The following ATP8A2 variants were observed in gnomAD, a reference collection of about 807,000 sequenced individuals.
The protein encoded by ATP8A2 is phospholipid-transporting ATPase IB.
A neutral mutation model predicts 165.6 loss-of-function variants in ATP8A2; 100 were observed. That is an observed-to-expected ratio of 0.60 (90% confidence interval 0.51 to 0.71). The LOEUF (loss-of-function observed/expected upper bound fraction) is 0.71, where lower values mean the gene tolerates loss of function less well. Among genes scored for constraint, ATP8A2 ranks in the 30% least tolerant of loss-of-function variants. The pLI is 0.00. For missense variants in ATP8A2, 1,227 were observed against 1,479.5 expected (o/e 0.83, Z 2.80); for synonymous variants, 543 against 548.8 (o/e 0.99, Z 0.15).
intron 2 of ATP8A2, among the ~76,000 whole-genome samples, chr13:25,506,307 A>G (rs2037034689): frequency 6.6e-6 from 1 of 152,084 alleles, no homozygotes. Flanking sequence ...TTTTTTTGTC[A>G]TGCCTCAGAC....
intron 30 of ATP8A2, among the ~76,000 whole-genome samples, chr13:25,854,660 G>A (rs1049982978): frequency 6.6e-6 from 1 of 152,102 alleles, no homozygotes; most frequent in African/African-American, 2.4e-5. Context: ...AGTGGCTTCT[G>A]TCCAAGCCAC....
At chr13:25,956,582 C>A (rs1365128746) in intron 33 of ATP8A2, among the ~76,000 whole-genome samples, 1 of 152,118 alleles carries the variant, frequency 6.6e-6, no homozygotes, top group Non-Finnish European at 1.5e-5. Context: ...AGGACCTCTT[C>A]AAGAAGAACT....
chr13:25,577,232 T>A, intron 20 of ATP8A2, 94 bp downstream of exon 20: 1 of 1,096,018 alleles, frequency 9.1e-7, no homozygotes, highest in East Asian at 2.4e-5. Flanking sequence ...ATTCCCTGAT[T>A]GTTTGTCCAG....
chr13:25,548,723 A>G (rs1254822720), intron 10 of ATP8A2, among the ~76,000 whole-genome samples: 1 of 152,238 alleles, frequency 6.6e-6, no homozygotes, highest in Non-Finnish European at 1.5e-5. Context: ...AGGATGAATA[A>G]TTTAGACAAA....
chr13:25,909,096 G>A (rs1195572965), intron 33 of ATP8A2, among the ~76,000 whole-genome samples: 1 of 152,116 alleles, frequency 6.6e-6, no homozygotes, highest in African/African-American at 2.4e-5. Flanking sequence ...CTGATATCAG[G>A]AGGAGGAGGG....
At chr13:25,967,892 G>A (rs994870064) in intron 34 of ATP8A2, among the ~76,000 whole-genome samples, 1 of 152,172 alleles carries the variant, frequency 6.6e-6, no homozygotes, top group Non-Finnish European at 1.5e-5. Flanking sequence ...TACCATTCAA[G>A]AAGAGTGAGC....
At chr13:25,921,226 G>A (rs761179751) in intron 33 of ATP8A2, among the ~76,000 whole-genome samples, 5 of 152,120 alleles carry the variant, frequency 3.3e-5, no homozygotes, top group Non-Finnish European at 7.4e-5. Flanking sequence ...TAACAGTGAG[G>A]CTAAAAGACT....
At chr13:26,001,179 C>T (rs560710688) in intron 35 of ATP8A2, among the ~76,000 whole-genome samples, 1 of 152,356 alleles carries the variant, frequency 6.6e-6, no homozygotes, top group African/African-American at 2.4e-5. Context: ...ATAATATTTT[C>T]AGTCTTTATC....
chr13:25,469,029 G>A lies in ATP8A2; in HGVS notation c.129G>A (p.Arg43=), dbSNP rs992751398. The change falls in exon 2 of 37, where the codon CGG becomes CGA. Residue 43 remains arginine (R), a synonymous_variant. Coordinates refer to ENST00000381655, the MANE Select transcript of ATP8A2 (RefSeq NM_016529.6). ...GYKKAEDEMS[R]ATSVGDQLEA... is the part of the protein sequence containing the mutation. Reference sequence around the variant, plus strand: ...AGAAGGCAGAGGATGAGATGTCCCGGGCCACGTCTGTTGGAGACCAGCTGG... The same window carrying A: ...AGAAGGCAGAGGATGAGATGTCCCGAGCCACGTCTGTTGGAGACCAGCTGG... 20 of 1,613,942 alleles carry A rather than the reference G, an allele frequency of 1.2e-5. No homozygotes were observed. The highest frequency in any genetic ancestry group is 1.6e-5 in the Non-Finnish European group (19 of 1,179,920).
At chr13:25,741,124 A>G (rs894429427) in intron 25 of ATP8A2, among the ~76,000 whole-genome samples, 13 of 152,364 alleles carry the variant, frequency 8.5e-5, no homozygotes, top group African/African-American at 3.1e-4. Flanking sequence ...ATTTAGTTTT[A>G]TCGGAAAAAT....
intron 25 of ATP8A2, among the ~76,000 whole-genome samples, chr13:25,731,304 GA>G (rs1226090708): frequency 8.4e-4 from 90 of 106,784 alleles, no homozygotes; most frequent in South Asian, 2.6e-3. Context: ...GAGAAAGAAA[GA>G]AAAGACCGGA....
chr13:25,940,820 GGCT>G (rs1955048903), intron 33 of ATP8A2, among the ~76,000 whole-genome samples: 1 of 152,218 alleles, frequency 6.6e-6, no homozygotes, highest in African/African-American at 2.4e-5. Context: ...GTTGGATGCT[GGCT>G]CTGCCACGAT....
rs1289568695 is a variant in ATP8A2 at position 25,774,730 on chromosome 13, C to G, written c.2569-119C>G. On this transcript the variant is annotated intron_variant, in intron 26 of 36. Transcript: ENST00000381655. ...TTCAGAGAATGGTTTTCTGAGATTCCTGCGGAATCTGGTTTCCTCTACCTA... is the reference window on the plus strand; with the variant it reads ...TTCAGAGAATGGTTTTCTGAGATTCGTGCGGAATCTGGTTTCCTCTACCTA... 5.1e-6 allele frequency: 3 copies of G among 582,630 alleles called. No homozygotes were observed. In the East Asian group the frequency reaches 8.8e-5, roughly 17 times the overall value. The allele number at this position is 582,630 out of a possible 1,614,324, so 36.1% of individuals were successfully genotyped here. A position where few individuals can be genotyped will look rare whatever the true frequency, so the allele number is the denominator to read the frequency against.
chr13:25,961,635 T>C lies in ATP8A2; in HGVS notation c.3244T>C (p.Cys1082Arg), dbSNP rs780551691. The C allele has an allele frequency of 1.9e-6, 3 of 1,613,990 alleles. No homozygotes were observed. Among genetic ancestry groups the C allele is most frequent in the Non-Finnish European group, 2.5e-6 (3 of 1,179,864 alleles). ...WLGLFLVPTA[C>R]LIEDVAWRAA... ...GGGATTATTTCTGGTTCCTACTGCC[T>C]GTTTGATTGAAGATGTGGCATGGAG... Residue 1082 changes from cysteine to arginine, a missense_variant, in exon 34 of 37, where the codon TGT becomes CGT. Physicochemically the swap from Cys to Arg is radical, Grantham distance 180. Transcript: ENST00000381655.
chr13:25,933,795 C>T (rs1177816551), intron 33 of ATP8A2, among the ~76,000 whole-genome samples: 2 of 152,250 alleles, frequency 1.3e-5, no homozygotes, highest in Non-Finnish European at 2.9e-5. Context: ...TTTCAAGTGA[C>T]AAGGACTCTT....
intron 24 of ATP8A2, among the ~76,000 whole-genome samples, chr13:25,605,833 G>T (rs1407064967): frequency 6.6e-6 from 1 of 152,104 alleles, no homozygotes; most frequent in Admixed American, 6.6e-5. Context: ...TCTAGGAAAA[G>T]ATCTCATTTT....
In ATP8A2 at chr13:25,397,596, C is replaced by CTAT. The variant is rs558712322; in HGVS notation, c.76+25310_76+25312dup. Reference sequence around the variant, plus strand: ...GGGAAACCCTGAGAATTTTCCTTTACTATTGGTCATTATGCTTTGTTGAGG... The same window carrying CTAT: ...GGGAAACCCTGAGAATTTTCCTTTACTATTATTGGTCATTATGCTTTGTTGAGG... On this transcript the variant is annotated intron_variant, in intron 1 of 36. Transcript: ENST00000381655. 2.6e-4 allele frequency among the ~76,000 whole-genome samples: 39 copies of CTAT among 152,226 alleles called. No homozygotes were observed. In the East Asian group the frequency reaches 7.3e-3, roughly 29 times the overall value.
intron 8 of ATP8A2, 91 bp downstream of exon 8, chr13:25,540,479 C>A: frequency 1.0e-6 from 1 of 957,430 alleles, no homozygotes; most frequent in South Asian, 1.4e-5. Context: ...ATAAAATATT[C>A]AGCCACAAAG....
At chr13:25,683,380 C>A (rs950576880) in intron 24 of ATP8A2, among the ~76,000 whole-genome samples, 1 of 152,134 alleles carries the variant, frequency 6.6e-6, no homozygotes, top group Non-Finnish European at 1.5e-5. Flanking sequence ...TCTTAAAATG[C>A]GTGATTTCGT....
Sources: allele counts gnomAD v4.1 joint callset (sites outside exome capture counted in the v4.1 genomes callset), GRCh38; gene constraint gnomAD v4.1.1; transcripts MANE v1.5; gene names NCBI Gene and HGNC (gene_info 2026-07-23, HGNC 2026-07-21).